Variants in ANKRD30A observed in about 807,000 individuals in gnomAD.
ANKRD30A encodes the protein ankyrin repeat domain 30A, also known as ankyrin repeat domain-containing protein 30A.
Under a neutral mutation model 166.3 loss-of-function variants are expected in ANKRD30A, and 170 were observed. That is an observed-to-expected ratio of 1.02 (90% CI 0.90 to 1.16). The LOEUF is 1.16. ANKRD30A is among the 50% of genes most tolerant of loss of function. ANKRD30A has a pLI of 0.00. For missense variants in ANKRD30A, 1,630 were observed against 1,518.0 expected (o/e 1.07, Z -1.23); for synonymous variants, 564 against 508.9 (o/e 1.11, Z -1.46).
At chr10:37,200,946 A>G (rs1841573391) in intron 30 of ANKRD30A, among the ~76,000 whole-genome samples, 2 of 152,068 alleles carry the variant, frequency 1.3e-5, no homozygotes, top group East Asian at 1.9e-4. Flanking sequence ...TATTTTTAAG[A>G]GAGATACGTT....
chr10:37,140,484 C>T (rs1188839059), intron 6 of ANKRD30A, among the ~76,000 whole-genome samples: 2 of 152,158 alleles, frequency 1.3e-5, no homozygotes, highest in African/African-American at 4.8e-5. Context: ...TTGAGAAGCG[C>T]AGGTTATGTT....
At chr10:37,257,792 A>G in the ANKRD30A span, among the ~76,000 whole-genome samples, 1 of 152,240 alleles carries the variant, frequency 6.6e-6, no homozygotes, top group African/African-American at 2.4e-5. Flanking sequence ...GACATAAAAA[A>G]GAATGAGTTC....
chr10:37,233,867 A>G, downstream of ANKRD30A, among the ~76,000 whole-genome samples: 1 of 152,194 alleles, frequency 6.6e-6, no homozygotes, highest in East Asian at 1.9e-4. Flanking sequence ...ACAAGAAGAC[A>G]TTTAGACATT....
At position 37,142,135 on chromosome 10, in the gene ANKRD30A, G is replaced by T; in HGVS notation, c.1238G>T (p.Arg413Ile). 2 of 1,614,032 alleles carry T rather than the reference G, an allele frequency of 1.2e-6. No homozygotes were observed. ...AAATTTACGTGGGCAGCAAAAGGAA[G>T]ACCTAGGAAGATCGCATGGGAGAAA... ...SEKFTWAAKG[R>I]PRKIAWEKKE... Residue 413 changes from arginine to isoleucine, a missense_variant, in exon 7 of 36, where the codon AGA (arginine) becomes ATA (isoleucine). Arg to Ile is a moderately conservative substitution (Grantham distance 97). This residue lies in a region of ANKRD30A where 904 missense variants were observed against 818.5 expected (regional missense o/e 1.10). Transcript: ENST00000361713.
Position 37,158,527 on chromosome 10 carries a change from T to C in ANKRD30A, c.1841T>C (p.Met614Thr), listed in dbSNP as rs1564503614. ...AAACCCATTTAGGCTACCTGCGGAATGAAAGTTTCTATTCCAACTAAAGCC... is the reference window on the plus strand; with the variant it reads ...AAACCCATTTAGGCTACCTGCGGAACGAAAGTTTCTATTCCAACTAAAGCC... ...KDGLLKATCGMKVSIPTKALE... is the reference protein window; with the variant it reads ...KDGLLKATCGTKVSIPTKALE... The change falls in exon 15 of 36, where the codon ATG (methionine) becomes ACG (threonine). Residue 614 changes from methionine to threonine, a missense_variant. This residue lies in a region of ANKRD30A where 904 missense variants were observed against 818.5 expected (regional missense o/e 1.10). Transcript: ENST00000361713. 1.9e-6 allele frequency: 3 copies of C among 1,613,640 alleles called. No homozygotes were observed. The East Asian group carries it at 6.7e-5, about 36-fold the overall frequency.
chr10:37,157,971 C>A (rs1322592989), intron 13 of ANKRD30A, among the ~76,000 whole-genome samples: 1 of 151,864 alleles, frequency 6.6e-6, no homozygotes, highest in Admixed American at 6.6e-5. Flanking sequence ...ATAAGTGATT[C>A]TGACGTGTTT....
At chr10:37,220,239 T>G (rs1842840591) in intron 34 of ANKRD30A, among the ~76,000 whole-genome samples, 1 of 150,654 alleles carries the variant, frequency 6.6e-6, no homozygotes, top group South Asian at 2.1e-4. Context: ...TTTTAATGTC[T>G]CTTTGTGGCC....
At chr10:37,161,398 G>C (rs931104485) in intron 15 of ANKRD30A, among the ~76,000 whole-genome samples, 3 of 152,088 alleles carry the variant, frequency 2.0e-5, no homozygotes, top group Non-Finnish European at 4.4e-5. Context: ...AAATAAATTT[G>C]AAACAGTGTT....
At position 37,158,527 on chromosome 10, in the gene ANKRD30A, T is replaced by A; in HGVS notation, c.1841T>A (p.Met614Lys). 6.2e-7 allele frequency: 1 copy of A among 1,613,640 alleles called. No individual in the cohort carries two copies. Among genetic ancestry groups the A allele is most frequent in the Non-Finnish European group, 8.5e-7 (1 of 1,179,728 alleles). Residue 614 changes from methionine (M) to lysine (K), a missense_variant, in exon 15 of 36, where the codon ATG (methionine) becomes AAG (lysine). Coordinates refer to ENST00000361713, the MANE Select transcript of ANKRD30A (RefSeq NM_052997.3). ...AAACCCATTTAGGCTACCTGCGGAA[T>A]GAAAGTTTCTATTCCAACTAAAGCC... ...KDGLLKATCG[M>K]KVSIPTKALE...
Position 37,219,005 on chromosome 10 carries a change from A to G in ANKRD30A, c.3293A>G (p.Asn1098Ser). 6.3e-7 allele frequency: 1 copy of G among 1,587,866 alleles called. No homozygotes were observed. The highest frequency in any genetic ancestry group is 8.5e-7 in the Non-Finnish European group (1 of 1,170,754). The change falls in exon 34 of 36, where the codon AAT becomes AGT. Residue 1098 changes from asparagine to serine, a missense_variant. By Grantham distance (46) the Asn-to-Ser change is conservative. Transcript: ENST00000361713. ...NQVSHTHENE[N>S]YLLHENCMLK... ...GTTTCTCACACTCATGAAAATGAAA[A>G]TTATCTCTTACATGAAAATTGCATG...
intron 5 of ANKRD30A, among the ~76,000 whole-genome samples, chr10:37,135,566 T>A (rs1396695343): frequency 1.3e-5 from 2 of 152,244 alleles, no homozygotes; most frequent in Non-Finnish European, 2.9e-5. Flanking sequence ...AACTTGCATC[T>A]TCTTTGTGGA....
At chr10:37,227,692 G>A (rs906870332) in intron 34 of ANKRD30A, among the ~76,000 whole-genome samples, 7 of 151,594 alleles carry the variant, frequency 4.6e-5, no homozygotes, top group South Asian at 2.1e-4. Flanking sequence ...ACAAAGACAA[G>A]AGTCCATTCC....
chr10:37,141,614 G>A (rs1837125943), intron 6 of ANKRD30A, 104 bp from the exon 7 acceptor site: 2 of 1,081,362 alleles, frequency 1.8e-6, no homozygotes, highest in Admixed American at 2.6e-5. Flanking sequence ...AAGTTTGGTA[G>A]TATTTAAGGA....
In ANKRD30A at chr10:37,142,024, C is replaced by T; in HGVS notation, c.1127C>T (p.Ala376Val). The change falls in exon 7 of 36, where the codon GCA becomes GTA. Residue 376 changes from alanine to valine, a missense_variant. Around this residue, in one of 4 missense-constraint regions of ANKRD30A, gnomAD observed 904 missense variants for 818.5 expected, o/e 1.10. Transcript: ENST00000361713. Reference sequence around the variant, plus strand: ...ACATCTGAGAAATTTACGTGGCCAGCAAAAGGAAGACCTAGGAAGATCGCA... The same window carrying T: ...ACATCTGAGAAATTTACGTGGCCAGTAAAAGGAAGACCTAGGAAGATCGCA... The part of the protein sequence containing the change: ...KETSEKFTWP[A>V]KGRPRKIAWE... 7.4e-6 allele frequency: 12 copies of T among 1,613,818 alleles called. No homozygotes were observed. Among genetic ancestry groups the T allele is most frequent in the Non-Finnish European group, 9.3e-6 (11 of 1,179,940 alleles).
the ANKRD30A span, among the ~76,000 whole-genome samples, chr10:37,237,744 C>T: frequency 6.6e-6 from 1 of 152,174 alleles, no homozygotes; most frequent in African/African-American, 2.4e-5. Flanking sequence ...TTTAATATCT[C>T]ATAAGCTATA....
chr10:37,218,913 G>A, intron 33 of ANKRD30A, 67 bp from the exon 34 acceptor site: 1 of 1,047,708 alleles, frequency 9.5e-7, no homozygotes, highest in Non-Finnish European at 1.4e-6. Context: ...TTATTCTTTA[G>A]TTTCAGAGGA....
At chr10:37,261,878 AG>A in the ANKRD30A span, 1 of 153,186 alleles carries the variant, frequency 6.5e-6, no homozygotes, top group African/African-American at 2.4e-5. Context: ...TGTGTTGACC[AG>A]TGGTCATGCC....
intron 33 of ANKRD30A, among the ~76,000 whole-genome samples, chr10:37,218,413 A>G (rs1245096045): frequency 6.6e-6 from 1 of 150,914 alleles, no homozygotes; most frequent in Admixed American, 6.6e-5. Flanking sequence ...TATATTTTTA[A>G]TCTTTTCCTT....
At chr10:37,232,748 A>T (rs1843498920), downstream of ANKRD30A, among the ~76,000 whole-genome samples, 1 of 136,896 alleles carries the variant, frequency 7.3e-6, no homozygotes, top group Non-Finnish European at 1.6e-5. Flanking sequence ...TAAAAATTTT[A>T]AAACTATATG....
Sources: gnomAD v4.1 joint callset for allele counts (sites outside exome capture counted in the v4.1 genomes callset) on GRCh38, gnomAD v4.1.1 for gene constraint, gnomAD v4.1.1 regional missense constraint, MANE v1.5 for transcripts, NCBI Gene and HGNC (gene_info 2026-07-23, HGNC 2026-07-21) for gene names.